Variants in INHBC observed in about 807,000 individuals in gnomAD.
INHBC encodes inhibin beta C chain.
Under a neutral mutation model 12.4 loss-of-function variants are expected in INHBC, and 10 were observed. That is an observed-to-expected ratio of 0.81 (90% CI 0.50 to 1.37). The LOEUF is 1.37. Ranked by LOEUF, INHBC falls within the 40% of genes most tolerant of loss-of-function variation. The probability of loss-of-function intolerance (pLI) is 0.00; values close to 1 mark genes in which losing one functional copy is unlikely to be tolerated. For missense variants in INHBC, 382 were observed against 439.4 expected (o/e 0.87, Z 1.17); for synonymous variants, 147 against 171.6 (o/e 0.86, Z 1.12).
At chr12:57,444,464 C>A (rs1367972240) in intron 1 of INHBC, among the ~76,000 whole-genome samples, 1 of 150,274 alleles carries the variant, frequency 6.7e-6, no homozygotes, top group Non-Finnish European at 1.5e-5. Context: ...TTGCTTGAAC[C>A]GGGTAGGTGG....
intron 1 of INHBC, 73 bp downstream of exon 1, chr12:57,435,272 T>TA (rs1870309693): frequency 1.5e-6 from 2 of 1,370,324 alleles, no homozygotes; most frequent in Admixed American, 4.4e-5. Context: ...TCGCCAGACT[T>TA]ACCTCTGACT....
rs1241342566 is a variant in INHBC at position 57,447,892 on chromosome 12, AATATATATATATATAT to A, written c.314-1369_314-1354del. Among the ~76,000 whole-genome samples, 48 of 19,880 alleles carry A rather than the reference AATATATATATATATAT, an allele frequency of 2.4e-3. 1 individual carries two copies. The highest frequency in any genetic ancestry group is 5.0e-3 in the African/African-American group (32 of 6,424). The allele number at this position is 19,880 out of a possible 152,430, so 13.0% of individuals were successfully genotyped here. The stretch of plus-strand genomic sequence containing the variant: ...AAAAAAAAAAAAAAAAAAAAAAAAA[AATATATATATATATAT>A]ATATATATATATATAAAATATATGT... On this transcript the variant is annotated intron_variant, in intron 1 of 1. Transcript: ENST00000309668.
chr12:57,442,352 T>C (rs1870484832), intron 1 of INHBC, among the ~76,000 whole-genome samples: 1 of 152,114 alleles, frequency 6.6e-6, no homozygotes, highest in South Asian at 2.1e-4. Context: ...GGGCCAACAG[T>C]GTAATAGTCT....
chr12:57,438,206 T>A (rs1367175543), intron 1 of INHBC, among the ~76,000 whole-genome samples: 3 of 152,166 alleles, frequency 2.0e-5, no homozygotes, highest in Admixed American at 6.6e-5. Context: ...TAAATGGGGA[T>A]AATAAGAGGA....
At chr12:57,444,505 C>T (rs1870534819) in intron 1 of INHBC, among the ~76,000 whole-genome samples, 1 of 144,062 alleles carries the variant, frequency 6.9e-6, no homozygotes, top group African/African-American at 2.6e-5. Context: ...CGTACCACTG[C>T]AATCTAGCCT....
At chr12:57,449,185 T>G (rs1368217398) in intron 1 of INHBC, 92 bp from the exon 2 acceptor site, 23 of 1,466,396 alleles carry the variant, frequency 1.6e-5, no homozygotes, top group Non-Finnish European at 1.9e-5. Flanking sequence ...TGCCAAGTGC[T>G]ATAGACAACT....
Position 57,451,319 on chromosome 12 carries a change from G to A in INHBC, c.*1297G>A, listed in dbSNP as rs1193838959. Among the ~76,000 whole-genome samples, 4 of 152,198 alleles carry A rather than the reference G, an allele frequency of 2.6e-5. No homozygotes were observed. The highest frequency in any genetic ancestry group is 9.7e-5 in the African/African-American group (4 of 41,448). On this transcript the variant is annotated 3_prime_UTR_variant, in exon 2 of 2. Coordinates refer to ENST00000309668, the MANE Select transcript of INHBC (RefSeq NM_005538.4). Reference sequence around the variant, plus strand: ...GGGAGGCAGAGGCATGCTCAGAGCTGGCTGCCAGGACCTCTGACTTGCCTT... The same window carrying A: ...GGGAGGCAGAGGCATGCTCAGAGCTAGCTGCCAGGACCTCTGACTTGCCTT...
rs1870667982 is a variant in INHBC at position 57,449,726 on chromosome 12, G to C, written c.763G>C (p.Asp255His). Residue 255 changes from aspartate to histidine, a missense_variant, in exon 2 of 2, where the codon GAC (aspartate) becomes CAC (histidine). Coordinates refer to ENST00000309668, the MANE Select transcript of INHBC (RefSeq NM_005538.4). The stretch of plus-strand genomic sequence containing the variant: ...GTGCTGTCGACAAGAGTTTTTTGTG[G>C]ACTTCCGTGAGATTGGCTGGCACGA... ...RMCCRQEFFV[D>H]FREIGWHDWI... 1 of 1,614,252 alleles carries C rather than the reference G, an allele frequency of 6.2e-7. No individual in the cohort carries two copies. Among genetic ancestry groups the C allele is most frequent in the African/African-American group, 1.3e-5 (1 of 75,060 alleles).
chr12:57,437,530 G>A (rs1263281542), intron 1 of INHBC, among the ~76,000 whole-genome samples: 2 of 151,602 alleles, frequency 1.3e-5, no homozygotes, highest in Non-Finnish European at 2.9e-5. Context: ...AATTAGCTGG[G>A]CATGGTGGCA....
intron 1 of INHBC, among the ~76,000 whole-genome samples, chr12:57,447,819 G>A (rs374150922): frequency 1.1e-4 from 12 of 112,122 alleles, no homozygotes; most frequent in Non-Finnish European, 1.7e-4. Flanking sequence ...CTGAGATTGC[G>A]CCATTGCACT....
chr12:57,447,266 C>A (rs1965285), intron 1 of INHBC, among the ~76,000 whole-genome samples: 9,996 of 151,844 alleles, frequency 0.066, 473 homozygotes, highest in East Asian at 0.22. Context: ...CTCATTGCAA[C>A]CTCTGCCTCC....
chr12:57,439,910 A>T (rs1176858878), intron 1 of INHBC, among the ~76,000 whole-genome samples: 1 of 152,112 alleles, frequency 6.6e-6, no homozygotes, highest in Non-Finnish European at 1.5e-5. Context: ...TGCAGCCTCA[A>T]TAATATTGCC....
chr12:57,447,159 G>A (rs1188924787), intron 1 of INHBC, among the ~76,000 whole-genome samples: 3 of 152,080 alleles, frequency 2.0e-5, no homozygotes, highest in Non-Finnish European at 4.4e-5. Context: ...AGGTATAGGG[G>A]GAATGAAGAA....
At chr12:57,435,344 C>G (rs1272961703) in intron 1 of INHBC, 145 bp downstream of exon 1, 4 of 746,804 alleles carry the variant, frequency 5.4e-6, no homozygotes, top group Admixed American at 2.8e-5. Flanking sequence ...ACCCAGGTGT[C>G]CCGACAACCC....
At chr12:57,435,274 C>T (rs778213364) in intron 1 of INHBC, 75 bp downstream of exon 1, 64 of 1,355,404 alleles carry the variant, frequency 4.7e-5, no homozygotes, top group Non-Finnish European at 6.3e-5. Context: ...GCCAGACTTA[C>T]CTCTGACTCC....
chr12:57,444,828 G>A (rs995355221), intron 1 of INHBC, among the ~76,000 whole-genome samples: 1 of 151,902 alleles, frequency 6.6e-6, no homozygotes, highest in Non-Finnish European at 1.5e-5. Flanking sequence ...TCCATGCCCA[G>A]CTATTTTTTA....
In INHBC at chr12:57,449,717, T is replaced by C; in HGVS notation, c.754T>C (p.Phe252Leu). 6.2e-7 allele frequency: 1 copy of C among 1,613,514 alleles called. No individual in the cohort carries two copies. Among genetic ancestry groups the C allele is most frequent in the Non-Finnish European group, 8.5e-7 (1 of 1,179,854 alleles). Residue 252 changes from phenylalanine to leucine, a missense_variant, in exon 2 of 2, where the codon TTT becomes CTT. By Grantham distance (22) the Phe-to-Leu change is conservative. Coordinates refer to ENST00000309668, the MANE Select transcript of INHBC (RefSeq NM_005538.4). ...GGSRMCCRQEFFVDFREIGWH... is the reference protein window; with the variant it reads ...GGSRMCCRQELFVDFREIGWH... ...GTCCAGGATGTGCTGTCGACAAGAG[T>C]TTTTTGTGGACTTCCGTGAGATTGG...
chr12:57,439,808 A>T (rs1594726701), intron 1 of INHBC, among the ~76,000 whole-genome samples: 2 of 152,354 alleles, frequency 1.3e-5, no homozygotes, highest in South Asian at 4.1e-4. Flanking sequence ...TCTCAAAAAA[A>T]AATGTTAGAT....
At position 57,449,894 on chromosome 12, in the gene INHBC, A is replaced by T. The variant is rs754650330; in HGVS notation, c.931A>T (p.Thr311Ser). Reference sequence around the variant, plus strand: ...CAAGGCCAACACAGCTGCAGGCACCACTGGAGGGGGCTCATGCTGTGTACC... The same window carrying T: ...CAAGGCCAACACAGCTGCAGGCACCTCTGGAGGGGGCTCATGCTGTGTACC... Reference protein sequence around the residue: ...LLKANTAAGTTGGGSCCVPTA... With the variant: ...LLKANTAAGTSGGGSCCVPTA... Residue 311 changes from threonine to serine, a missense_variant, in exon 2 of 2, where the codon ACT becomes TCT. Coordinates refer to ENST00000309668, the MANE Select transcript of INHBC (RefSeq NM_005538.4). 6.2e-7 allele frequency: 1 copy of T among 1,611,078 alleles called. No individual in the cohort carries two copies. Among genetic ancestry groups the T allele is most frequent in the South Asian group, 1.1e-5 (1 of 90,650 alleles).
Sources: gnomAD v4.1 joint callset for allele counts (sites outside exome capture counted in the v4.1 genomes callset) on GRCh38, gnomAD v4.1.1 for gene constraint, MANE v1.5 for transcripts, NCBI Gene and HGNC (gene_info 2026-07-23, HGNC 2026-07-21) for gene names.